CMTM8: variants seen among roughly 807,000 people sequenced by gnomAD.
The protein encoded by CMTM8 is CKLF-like MARVEL transmembrane domain-containing protein 8.
Under a neutral mutation model 18.6 loss-of-function variants are expected in CMTM8, and 12 were observed. That is an observed-to-expected ratio of 0.65 (90% CI 0.41 to 1.05). The LOEUF (loss-of-function observed/expected upper bound fraction) is 1.05, where lower values mean the gene tolerates loss of function less well. Among genes scored for constraint, CMTM8 ranks in the 50% least tolerant of loss-of-function variants. CMTM8 has a pLI of 0.00. For synonymous variants in CMTM8, 87 were observed against 90.6 expected, an observed-to-expected ratio of 0.96 and a Z score of 0.23; for missense variants, 217 against 227.2, an observed-to-expected ratio of 0.95 and a Z score of 0.29.
chr3:32,295,621 G>A (rs1256560264), intron 1 of CMTM8, among the ~76,000 whole-genome samples: 1 of 152,042 alleles, frequency 6.6e-6, no homozygotes, highest in Non-Finnish European at 1.5e-5. Context: ...TTAAGTTGAG[G>A]AACTGTAAGT....
intron 2 of CMTM8, 59 bp from the exon 3 acceptor site, chr3:32,367,813 G>A (rs577258890): frequency 8.5e-7 from 1 of 1,171,638 alleles, no homozygotes; most frequent in Non-Finnish European, 1.3e-6. Flanking sequence ...CACTTCTGAA[G>A]TCCAGAGGTA....
At chr3:32,326,054 G>C (rs1055387748) in intron 1 of CMTM8, among the ~76,000 whole-genome samples, 2 of 152,212 alleles carry the variant, frequency 1.3e-5, no homozygotes, top group African/African-American at 4.8e-5. Flanking sequence ...GCTCCCAAGA[G>C]GGGGCAAAGG....
At chr3:32,336,218 C>T (rs900586294) in intron 1 of CMTM8, among the ~76,000 whole-genome samples, 12 of 152,304 alleles carry the variant, frequency 7.9e-5, no homozygotes, top group African/African-American at 2.4e-4. Context: ...CCCTCCCTCC[C>T]CCACCTTCCT....
At chr3:32,325,885 C>G (rs115551535) in intron 1 of CMTM8, among the ~76,000 whole-genome samples, 1,991 of 152,272 alleles carry the variant, frequency 0.013, 21 homozygotes, top group Middle Eastern at 0.034. Context: ...AACTGAAATG[C>G]CAGTGGAGCT....
chr3:32,264,478 T>C (rs1280655497), intron 1 of CMTM8, among the ~76,000 whole-genome samples: 1 of 152,120 alleles, frequency 6.6e-6, no homozygotes, highest in Non-Finnish European at 1.5e-5. Context: ...AGGAAACCCG[T>C]ACCAGCCACT....
intron 1 of CMTM8, among the ~76,000 whole-genome samples, chr3:32,288,004 A>G (rs1702712779): frequency 6.6e-6 from 1 of 152,188 alleles, no homozygotes. Context: ...CTTAATTCAC[A>G]CGATACATTA....
At chr3:32,250,173 A>G (rs1702094515) in intron 1 of CMTM8, among the ~76,000 whole-genome samples, 1 of 152,226 alleles carries the variant, frequency 6.6e-6, no homozygotes, top group African/African-American at 2.4e-5. Flanking sequence ...TTGAAAATCA[A>G]ATGATCATAA....
intron 1 of CMTM8, among the ~76,000 whole-genome samples, chr3:32,334,448 T>C (rs994204294): frequency 2.0e-5 from 3 of 151,706 alleles, no homozygotes; most frequent in Admixed American, 6.6e-5. Flanking sequence ...CTACTAAAAA[T>C]ACAAAAAATT....
At chr3:32,268,192 G>C (rs1018133263) in intron 1 of CMTM8, among the ~76,000 whole-genome samples, 22 of 152,132 alleles carry the variant, frequency 1.4e-4, no homozygotes, top group South Asian at 2.1e-4. Context: ...TTCGAACCAA[G>C]CCAAATGTCC....
At chr3:32,335,484 A>T (rs1461943766) in intron 1 of CMTM8, among the ~76,000 whole-genome samples, 1 of 152,036 alleles carries the variant, frequency 6.6e-6, no homozygotes, top group Non-Finnish European at 1.5e-5. Context: ...AGGTAGACTC[A>T]CCTCCACGGA....
intron 1 of CMTM8, among the ~76,000 whole-genome samples, chr3:32,284,835 C>G (rs1386204124): frequency 1.3e-5 from 2 of 152,116 alleles, no homozygotes; most frequent in African/African-American, 4.8e-5. Context: ...TTTGAGAGTT[C>G]TCTCATGTGG....
intron 1 of CMTM8, among the ~76,000 whole-genome samples, chr3:32,285,973 C>T (rs982971540): frequency 1.3e-4 from 20 of 152,174 alleles, no homozygotes; most frequent in Admixed American, 3.9e-4. Context: ...TTCTCTCAGG[C>T]GGTCTGCAGT....
chr3:32,292,056 G>A lies in CMTM8; in HGVS notation c.147+52937G>A, dbSNP rs191290945. On this transcript the variant is annotated intron_variant, in intron 1 of 3. Coordinates refer to ENST00000307526, the MANE Select transcript of CMTM8 (RefSeq NM_178868.5). ...CTATAGCTCTCATCACCTTCTATCC[G>A]GATCAACCTTGTGGTTTGAGTTTTA... Among the ~76,000 whole-genome samples the A allele has an allele frequency of 5.2e-4, 79 of 152,230 alleles. No individual in the cohort carries two copies. In the Middle Eastern group the frequency reaches 0.01, roughly 20 times the overall value.
At chr3:32,368,932 A>C (rs1309379560) in intron 3 of CMTM8, among the ~76,000 whole-genome samples, 1 of 152,232 alleles carries the variant, frequency 6.6e-6, no homozygotes, top group Non-Finnish European at 1.5e-5. Context: ...CAGAAATGCC[A>C]AAATGATTAT....
chr3:32,334,230 T>TGG (rs1696339235), intron 1 of CMTM8, among the ~76,000 whole-genome samples: 1 of 151,716 alleles, frequency 6.6e-6, no homozygotes, highest in East Asian at 2.0e-4. Flanking sequence ...CACCCGCCTC[T>TGG]GCCTCCCAAA....
At chr3:32,332,297 A>G (rs1327671416) in intron 1 of CMTM8, among the ~76,000 whole-genome samples, 1 of 152,214 alleles carries the variant, frequency 6.6e-6, no homozygotes, top group African/African-American at 2.4e-5. Context: ...GCAGACCTGC[A>G]GTGGGGACAG....
intron 1 of CMTM8, among the ~76,000 whole-genome samples, chr3:32,249,030 CTTTTTTT>C (rs58156524): frequency 1.6e-5 from 1 of 62,462 alleles, no homozygotes; most frequent in South Asian, 7.6e-4. Context: ...AATGTGGAAT[CTTTTTTT>C]TTTTTTTTTT....
At chr3:32,357,883 A>G (rs1413645074) in intron 2 of CMTM8, among the ~76,000 whole-genome samples, 2 of 152,234 alleles carry the variant, frequency 1.3e-5, no homozygotes, top group African/African-American at 4.8e-5. Flanking sequence ...TAAATATGCC[A>G]GGGCGCCAAC....
At chr3:32,327,205 A>G (rs1213881049) in intron 1 of CMTM8, among the ~76,000 whole-genome samples, 2 of 152,206 alleles carry the variant, frequency 1.3e-5, no homozygotes, top group African/African-American at 4.8e-5. Flanking sequence ...AAATTAGAAA[A>G]TGATTGTCCT....
Sources: allele counts gnomAD v4.1 joint callset (sites outside exome capture counted in the v4.1 genomes callset), GRCh38; gene constraint gnomAD v4.1.1; transcripts MANE v1.5; gene names NCBI Gene and HGNC (gene_info 2026-07-23, HGNC 2026-07-21).